MOCS1: variants seen among roughly 807,000 people sequenced by gnomAD.
MOCS1 encodes the protein molybdenum cofactor biosynthesis protein 1.
MOCS1 carries 39 observed loss-of-function variants against 57.6 expected under a neutral mutation model. The observed-to-expected ratio is 0.68, with a 90% CI of 0.52 to 0.88. MOCS1 has a LOEUF of 0.88. MOCS1 is among the 40% of genes least tolerant of loss of function. MOCS1 has a pLI of 0.00. For missense variants in MOCS1, 795 were observed against 831.1 expected (o/e 0.96, Z 0.53); for synonymous variants, 334 against 335.7 (o/e 1.00, Z 0.05).
rs1307066106 is a variant in MOCS1 at position 39,905,404 on chromosome 6, C to G, written c.*953G>C. On this transcript the variant is annotated 3_prime_UTR_variant, in exon 11 of 11. Transcript: ENST00000340692. ...TAGGCCTTTCCAGGTCCCTCCTCTT[C>G]TTCCCTCAGGGAACTGTGTCTTGGG... 2.1e-6 allele frequency: 1 copy of G among 468,980 alleles called. No individual in the cohort carries two copies. The highest frequency in any genetic ancestry group is 4.4e-6 in the Non-Finnish European group (1 of 227,042). The allele number at this position is 468,980 out of a possible 1,614,324, so 29.1% of individuals were successfully genotyped here. A position where few individuals can be genotyped will look rare whatever the true frequency, so the allele number is the denominator to read the frequency against.
rs369987057 is a variant in MOCS1, at chr6:39,934,452, G to T, written c.-35C>A. 3 of 1,557,358 alleles carry T rather than the reference G, an allele frequency of 1.9e-6. No individual in the cohort carries two copies. The highest frequency in any genetic ancestry group is 1.2e-5 in the South Asian group (1 of 85,566). On this transcript the variant is annotated 5_prime_UTR_variant, in exon 1 of 11. Coordinates refer to ENST00000340692, the MANE Select transcript of MOCS1 (RefSeq NM_001358530.2). ...TACGAGCGGAACCGCAGCCCGCTTC[G>T]GGAGCACACTGGCCGGGCACTCGCC...
Position 39,925,886 on chromosome 6 carries a change from G to C in MOCS1, c.251-41C>G, listed in dbSNP as rs575938914. 6.3e-6 allele frequency: 10 copies of C among 1,583,750 alleles called. No homozygotes were observed. In the Admixed American group the frequency reaches 6.8e-5, roughly 11 times the overall value. On this transcript the variant is annotated intron_variant, in intron 2 of 10. Transcript: ENST00000340692. ...ATGGGAATGTGGAGGGAGGAAAGAG[G>C]CACGGCCACAGCCCCGTGATGCCTC...
chr6:39,922,867 C>T (rs1768053049), intron 3 of MOCS1, among the ~76,000 whole-genome samples: 1 of 152,184 alleles, frequency 6.6e-6, no homozygotes, highest in African/African-American at 2.4e-5. Context: ...AGGGTAGGCA[C>T]AAGTGTTCGT....
chr6:39,924,629 G>A (rs1768169886), intron 3 of MOCS1, among the ~76,000 whole-genome samples: 1 of 152,224 alleles, frequency 6.6e-6, no homozygotes, highest in Non-Finnish European at 1.5e-5. Context: ...TCAACACCAT[G>A]CAACTCTGCC....
chr6:39,916,887 A>G (rs762571753), intron 3 of MOCS1, among the ~76,000 whole-genome samples: 1 of 152,220 alleles, frequency 6.6e-6, no homozygotes, highest in Non-Finnish European at 1.5e-5. Flanking sequence ...GTTCTGTAAA[A>G]ACAGGGAGTG....
intron 1 of MOCS1, among the ~76,000 whole-genome samples, chr6:39,931,549 C>A (rs565247905): frequency 2.0e-5 from 3 of 152,082 alleles, no homozygotes; most frequent in Admixed American, 6.5e-5. Context: ...GAGGTCTTTA[C>A]ACCTATAGCT....
intron 7 of MOCS1, 67 bp downstream of exon 7, chr6:39,912,825 G>T: frequency 1.7e-6 from 2 of 1,206,870 alleles, no homozygotes; most frequent in Non-Finnish European, 2.5e-6. Flanking sequence ...CTCCCTGCTA[G>T]CTCTCCATCC....
At chr6:39,908,562 T>C (rs1383628621) in intron 10 of MOCS1, among the ~76,000 whole-genome samples, 1 of 152,166 alleles carries the variant, frequency 6.6e-6, no homozygotes, top group Non-Finnish European at 1.5e-5. Context: ...TCATGTTACA[T>C]GTGAGTAACA....
At chr6:39,911,258 C>T (rs1392733698) in intron 8 of MOCS1, among the ~76,000 whole-genome samples, 1 of 152,216 alleles carries the variant, frequency 6.6e-6, no homozygotes, top group Admixed American at 6.5e-5. Flanking sequence ...CAGCAACCTG[C>T]TGGATGGTTC....
chr6:39,929,760 G>A (rs975598842), intron 1 of MOCS1, among the ~76,000 whole-genome samples: 5 of 151,782 alleles, frequency 3.3e-5, no homozygotes, highest in Admixed American at 2.6e-4. Flanking sequence ...GGGCAACATG[G>A]CAAAACCCCG....
Position 39,912,947 on chromosome 6 carries a change from C to T in MOCS1, c.815G>A (p.Arg272Gln), listed in dbSNP as rs368776652. The T allele has an allele frequency of 1.7e-5, 27 of 1,614,024 alleles. No homozygotes were observed. The highest frequency in any genetic ancestry group is 2.7e-5 in the African/African-American group (2 of 74,914). The change falls in exon 7 of 11, where the codon CGG becomes CAG. Residue 272 changes from arginine (R) to glutamine (Q), a missense_variant. By Grantham distance (43) the Arg-to-Gln change is conservative. Around this residue, in one of 3 missense-constraint regions of MOCS1, gnomAD observed 416 missense variants for 392.4 expected, o/e 1.06. Coordinates refer to ENST00000340692, the MANE Select transcript of MOCS1 (RefSeq NM_001358530.2). Reference sequence around the variant, plus strand: ...CTTCTCCAGCTCTGGCCACTGCTGCCGGACAGTGTCTAGCATCTCCTTATA... The same window carrying T: ...CTTCTCCAGCTCTGGCCACTGCTGCTGGACAGTGTCTAGCATCTCCTTATA... ...VSYKEMLDTV[R>Q]QQWPELEKVP...
Position 39,934,309 on chromosome 6 carries a change from G to A in MOCS1, c.109C>T (p.Arg37Ter). The A allele has an allele frequency of 2.6e-6, 4 of 1,546,384 alleles. No homozygotes were observed. Among genetic ancestry groups the A allele is most frequent in the Non-Finnish European group, 1.7e-6 (2 of 1,150,720 alleles). Residue 37 changes from arginine (R) to a stop codon, truncating the protein, a stop_gained, in exon 1 of 11, where the codon CGA becomes TGA. Transcript: ENST00000340692. LOFTEE classifies it high-confidence loss of function. The stretch of plus-strand genomic sequence containing the variant: ...GGTGGGCTCACCTCCGAGGCAGCTC[G>A]CGCGGACTCCCCGGGGCAGGGCTGG... ...VTQPCPGESA[R>*]AASEEVSRRR...
rs1485865158 is a variant in MOCS1 at position 39,917,826 on chromosome 6, T to C, written c.419-1594A>G. Among the ~76,000 whole-genome samples the C allele has an allele frequency of 5.3e-5, 8 of 152,068 alleles. No homozygotes were observed. The East Asian group carries it at 1.2e-3, about 22-fold the overall frequency. On this transcript the variant is annotated intron_variant, in intron 3 of 10. Coordinates refer to ENST00000340692, the MANE Select transcript of MOCS1 (RefSeq NM_001358530.2). Reference sequence around the variant, plus strand: ...GGGCTCTTGAAAATTAAACAATATATAGTTACAAGAAGAAAAAACTTGAGA... The same window carrying C: ...GGGCTCTTGAAAATTAAACAATATACAGTTACAAGAAGAAAAAACTTGAGA...
In MOCS1 at chr6:39,909,073, G is replaced by C. The variant is rs149586823; in HGVS notation, c.1132C>G (p.Arg378Gly). The change falls in exon 10 of 11, where the codon CGG (arginine) becomes GGG (glycine). Residue 378 changes from arginine (R) to glycine (G), a missense_variant. Arg to Gly is a moderately radical substitution (Grantham distance 125, BLOSUM62 -2). Transcript: ENST00000340692. ...CACCCACCGATGAGGATCATGGGCC[G>C]GTTCTTCATCTGGGAAATACTGAAC... ...GMFSISQMKN[R>G]PMILIELFLM... The C allele has an allele frequency of 3.2e-4, 520 of 1,611,760 alleles. No homozygotes were observed. Among genetic ancestry groups the C allele is most frequent in the Non-Finnish European group, 3.9e-4 (462 of 1,179,386 alleles).
At chr6:39,916,702 T>C (rs1045403144) in intron 3 of MOCS1, among the ~76,000 whole-genome samples, 1 of 152,218 alleles carries the variant, frequency 6.6e-6, no homozygotes, top group African/African-American at 2.4e-5. Flanking sequence ...GACAGCTCCA[T>C]TCTACCAAAT....
In MOCS1 at chr6:39,927,362, G is replaced by A. The variant is rs104893970; in HGVS notation, c.217C>T (p.Arg73Trp). 138 of 1,612,236 alleles carry A rather than the reference G, an allele frequency of 8.6e-5. No homozygotes were observed. The highest frequency in any genetic ancestry group is 1.0e-4 in the Non-Finnish European group (119 of 1,179,638). ...TTGCACTTCTCTGTGAGGGAGATCC[G>A]CAGGTAGCTGTGCTGCCGGCCGAAG... ...DSFGRQHSYL[R>W]ISLTEKCNLR... Residue 73 changes from arginine (R) to tryptophan (W), a missense_variant, in exon 2 of 11, where the codon CGG (arginine) becomes TGG (tryptophan). Physicochemically the swap from Arg to Trp is moderately radical, Grantham distance 101. Around this residue, in one of 3 missense-constraint regions of MOCS1, gnomAD observed 416 missense variants for 392.4 expected, o/e 1.06. Transcript: ENST00000340692.
In MOCS1 at chr6:39,925,803, T is replaced by G; in HGVS notation, c.293A>C (p.Lys98Thr). The G allele has an allele frequency of 6.2e-7, 1 of 1,612,772 alleles. No homozygotes were observed. Among genetic ancestry groups the G allele is most frequent in the Non-Finnish European group, 8.5e-7 (1 of 1,179,938 alleles). ...MPEEGVPLTP[K>T]ANLLTTEEIL... ...CTCCTCTGTGGTCAGCAGGTTGGCTTTGGGGGTCAGCGGGACCCCCTCCTC... is the reference window on the plus strand; with the variant it reads ...CTCCTCTGTGGTCAGCAGGTTGGCTGTGGGGGTCAGCGGGACCCCCTCCTC... Residue 98 changes from lysine (K) to threonine (T), a missense_variant, in exon 3 of 11, where the codon AAA becomes ACA. Lys to Thr is a moderately conservative substitution (Grantham distance 78). Around this residue, in one of 3 missense-constraint regions of MOCS1, gnomAD observed 416 missense variants for 392.4 expected, o/e 1.06. Coordinates refer to ENST00000340692, the MANE Select transcript of MOCS1 (RefSeq NM_001358530.2).
Position 39,905,270 on chromosome 6 carries a change from G to A in MOCS1, c.*1087C>T, listed in dbSNP as rs1307884511. The stretch of plus-strand genomic sequence containing the variant: ...GCTGGTAATGCAAGCAATGAGCTTT[G>A]AACACCCCTGGCCACCACCTGACAA... On this transcript the variant is annotated 3_prime_UTR_variant, in exon 11 of 11. Transcript: ENST00000340692. 2.2e-6 allele frequency: 1 copy of A among 454,454 alleles called. No homozygotes were observed. The highest frequency in any genetic ancestry group is 4.4e-6 in the Non-Finnish European group (1 of 226,938). 28.2% of individuals were successfully genotyped at this position (454,454 alleles called of 1,614,324 possible).
Position 39,916,250 on chromosome 6 carries a change from A to AG in MOCS1, c.419-19dup. The AG allele has an allele frequency of 1.9e-6, 3 of 1,612,876 alleles. No individual in the cohort carries two copies. The highest frequency in any genetic ancestry group is 1.6e-4 in the Middle Eastern group (1 of 6,062). On this transcript the variant is annotated intron_variant, in intron 3 of 10. Coordinates refer to ENST00000340692, the MANE Select transcript of MOCS1 (RefSeq NM_001358530.2). ...GAGCTGGGCTGTAAGGACAACAGAAAGGGGGTCAGACTGCTTGCTTGTTCT... is the reference window on the plus strand; with the variant it reads ...GAGCTGGGCTGTAAGGACAACAGAAAGGGGGGTCAGACTGCTTGCTTGTTCT...
Sources: allele counts gnomAD v4.1 joint callset (sites outside exome capture counted in the v4.1 genomes callset), GRCh38; gene constraint gnomAD v4.1.1; regional missense constraint gnomAD v4.1.1; transcripts MANE v1.5; gene names NCBI Gene and HGNC (gene_info 2026-07-23, HGNC 2026-07-21).